Variants in ZBTB44 observed in about 807,000 individuals in gnomAD.
The protein encoded by ZBTB44 is zinc finger and BTB domain containing 44.
ZBTB44 carries 15 observed loss-of-function variants against 54.0 expected under a neutral mutation model. That is an observed-to-expected ratio of 0.28 (90% confidence interval 0.19 to 0.43). The LOEUF is 0.43. Ranked by LOEUF, ZBTB44 falls within the 20% of genes least tolerant of loss-of-function variation. The pLI is 1.00. For synonymous variants in ZBTB44, 230 were observed against 250.1 expected, an observed-to-expected ratio of 0.92 and a Z score of 0.76; for missense variants, 487 against 707.1, an observed-to-expected ratio of 0.69 and a Z score of 3.53.
At position 130,296,395 on chromosome 11, in the gene ZBTB44, T is replaced by G. The variant is rs532951291; in HGVS notation, c.-57+17980A>C. On this transcript the variant is annotated intron_variant, in intron 1 of 7. Coordinates refer to ENST00000357899, the MANE Select transcript of ZBTB44 (RefSeq NM_001301098.2). The stretch of plus-strand genomic sequence containing the variant: ...TATGAGTTGCTGAACTACATTGATT[T>G]GCCCGTCTTGGCCATTCATGGAAAG... 172 of 1,515,894 alleles carry G rather than the reference T, an allele frequency of 1.1e-4. 1 individual carries two copies. The South Asian group carries it at 2.2e-3, about 19-fold the overall frequency. 93.9% of individuals were successfully genotyped at this position (1,515,894 alleles called of 1,614,324 possible). A position where few individuals can be genotyped will look rare whatever the true frequency, so the allele number is the denominator to read the frequency against.
At chr11:130,299,912 T>A (rs1941899258) in intron 1 of ZBTB44, among the ~76,000 whole-genome samples, 1 of 152,116 alleles carries the variant, frequency 6.6e-6, no homozygotes, top group South Asian at 2.1e-4. Flanking sequence ...GCAACCCAAA[T>A]GTCCACAAGA....
intron 1 of ZBTB44, among the ~76,000 whole-genome samples, chr11:130,272,321 G>A (rs769570166): frequency 1.1e-4 from 16 of 152,186 alleles, no homozygotes; most frequent in Non-Finnish European, 1.5e-4. Flanking sequence ...CCTAGTGGAT[G>A]TGAAGTGGTA....
chr11:130,283,032 AACCTTTTTTTT>A (rs1940646557), intron 1 of ZBTB44, among the ~76,000 whole-genome samples: 2 of 145,008 alleles, frequency 1.4e-5, no homozygotes, highest in African/African-American at 5.2e-5. Flanking sequence ...TTGCCATTCT[AACCTTTTTTTT>A]TTTTTTTTTT....
rs757969480 is a variant in ZBTB44, at chr11:130,279,308, T to TAAAAAA, written c.-56-17385_-56-17380dup. On this transcript the variant is annotated intron_variant, in intron 1 of 7. Coordinates refer to ENST00000357899, the MANE Select transcript of ZBTB44 (RefSeq NM_001301098.2). The stretch of plus-strand genomic sequence containing the variant: ...CTCCACTAACTGTTCTACTGTTATT[T>TAAAAAA]AAAAAAAAAAAAAAAAAAAAGCCCT... 2.7e-5 allele frequency among the ~76,000 whole-genome samples: 3 copies of TAAAAAA among 110,142 alleles called. 1 individual carries two copies. The highest frequency in any genetic ancestry group is 9.6e-5 in the Admixed American group (1 of 10,408). 72.3% of individuals were successfully genotyped at this position (110,142 alleles called of 152,430 possible).
At chr11:130,257,793 T>C (rs147499764) in intron 2 of ZBTB44, among the ~76,000 whole-genome samples, 92 of 152,362 alleles carry the variant, frequency 6.0e-4, no homozygotes, top group African/African-American at 2.1e-3. Context: ...TATTATTCAC[T>C]AGTGGCTTTT....
At chr11:130,307,594 T>C (rs936238582) in intron 1 of ZBTB44, among the ~76,000 whole-genome samples, 13 of 152,236 alleles carry the variant, frequency 8.5e-5, no homozygotes, top group Admixed American at 6.5e-4. Context: ...GAAAATGATA[T>C]ACAATCATGC....
At chr11:130,313,907 GGTGTGTGTGTGTGTGTATGTGT>G (rs1279355319) in intron 1 of ZBTB44, among the ~76,000 whole-genome samples, 67 of 149,252 alleles carry the variant, frequency 4.5e-4, no homozygotes, top group East Asian at 2.0e-4. Flanking sequence ...AAGGAAAAGA[GGTGTGTGTGTGTGTGTATGTGT>G]GTGTGTGTTT....
In ZBTB44 at chr11:130,229,372, C is replaced by T. The variant is rs1167246606; in HGVS notation, c.*2392G>A. 1 of 152,144 alleles carries T rather than the reference C, an allele frequency of 6.6e-6. No homozygotes were observed. Among genetic ancestry groups the T allele is most frequent in the Non-Finnish European group, 1.5e-5 (1 of 68,018 alleles). The allele number at this position is 152,144 out of a possible 1,614,324, so 9.4% of individuals were successfully genotyped here. A position where few individuals can be genotyped will look rare whatever the true frequency, so the allele number is the denominator to read the frequency against. On this transcript the variant is annotated 3_prime_UTR_variant, in exon 8 of 8. Transcript: ENST00000357899. ...TAAATATTACAACATCTCAACTTAT[C>T]TATCGTCTAAAATGAAACATCCAGA...
chr11:130,239,479 T>G (rs764679243), intron 3 of ZBTB44: 2 of 246,402 alleles, frequency 8.1e-6, no homozygotes, highest in African/African-American at 2.3e-5. Context: ...CCACAAACAA[T>G]ATGTCAGCAA....
At chr11:130,234,040 G>A in intron 6 of ZBTB44, 116 bp downstream of exon 6, 1 of 1,528,064 alleles carries the variant, frequency 6.5e-7, no homozygotes. Flanking sequence ...GTCATCTCTG[G>A]TTGCCTCAGC....
At chr11:130,264,644 G>A (rs1939120706) in intron 1 of ZBTB44, among the ~76,000 whole-genome samples, 1 of 152,142 alleles carries the variant, frequency 6.6e-6, no homozygotes, top group Non-Finnish European at 1.5e-5. Context: ...AGAAGAAGGT[G>A]ATGATGAGGA....
intron 2 of ZBTB44, among the ~76,000 whole-genome samples, chr11:130,240,143 G>T (rs1001883556): frequency 1.3e-5 from 2 of 149,958 alleles, no homozygotes; most frequent in Non-Finnish European, 2.9e-5. Flanking sequence ...CTGGGTTTAC[G>T]CCATTCTCCT....
At chr11:130,268,353 T>C (rs1440438217) in intron 1 of ZBTB44, among the ~76,000 whole-genome samples, 3 of 152,142 alleles carry the variant, frequency 2.0e-5, no homozygotes, top group Admixed American at 6.6e-5. Flanking sequence ...TCCAGAGCAG[T>C]AGCACCCATC....
intron 1 of ZBTB44, among the ~76,000 whole-genome samples, chr11:130,298,855 AC>A: frequency 6.6e-6 from 1 of 151,974 alleles, no homozygotes; most frequent in East Asian, 1.9e-4. Context: ...ACACACACAC[AC>A]ACAAAACCAT....
rs115289146 is a variant in ZBTB44 at position 130,308,406 on chromosome 11, G to A, written c.-57+5969C>T. Among the ~76,000 whole-genome samples, 930 of 152,284 alleles carry A rather than the reference G, an allele frequency of 6.1e-3. 10 individuals are homozygous for A. The highest frequency in any genetic ancestry group is 0.021 in the African/African-American group (875 of 41,550). On this transcript the variant is annotated intron_variant, in intron 1 of 7. Coordinates refer to ENST00000357899, the MANE Select transcript of ZBTB44 (RefSeq NM_001301098.2). ...GTGAGGTGGAGCAAAGCAGCTAAGT[G>A]CTAACTCTAAACAGCCTTGAATTTG...
At chr11:130,304,209 G>A (rs966744622) in intron 1 of ZBTB44, among the ~76,000 whole-genome samples, 2 of 152,068 alleles carry the variant, frequency 1.3e-5, no homozygotes, top group Non-Finnish European at 2.9e-5. Context: ...TAGCTTAACA[G>A]GAGATAAATT....
chr11:130,241,660 T>TC (rs1236309606), intron 2 of ZBTB44, among the ~76,000 whole-genome samples: 1 of 152,224 alleles, frequency 6.6e-6, no homozygotes, highest in Non-Finnish European at 1.5e-5. Flanking sequence ...GCTTTTTTTT[T>TC]CACCCTTTCT....
chr11:130,232,128 C>T (rs1390659077), intron 7 of ZBTB44: 9 of 152,080 alleles, frequency 5.9e-5, no homozygotes, highest in Admixed American at 5.9e-4. Context: ...TTTACTTTTC[C>T]TTTCTTCACA....
At chr11:130,246,479 C>G (rs1328292806) in intron 2 of ZBTB44, among the ~76,000 whole-genome samples, 1 of 152,112 alleles carries the variant, frequency 6.6e-6, no homozygotes, top group Admixed American at 6.5e-5. Flanking sequence ...CAGAGACAAT[C>G]AGCTTTATAT....
Sources: gnomAD v4.1 joint callset for allele counts (sites outside exome capture counted in the v4.1 genomes callset) on GRCh38, gnomAD v4.1.1 for gene constraint, MANE v1.5 for transcripts, NCBI Gene and HGNC (gene_info 2026-07-23, HGNC 2026-07-21) for gene names.